Variants in AOAH observed in about 807,000 individuals in gnomAD.
AOAH encodes the protein acyloxyacyl hydrolase (neutrophil).
Under a neutral mutation model 92.2 loss-of-function variants are expected in AOAH, and 64 were observed. The ratio of observed to expected loss-of-function variants is 0.69; its 90% confidence interval spans 0.57 to 0.86. The LOEUF (loss-of-function observed/expected upper bound fraction) is 0.86, where lower values mean the gene tolerates loss of function less well. Among genes scored for constraint, AOAH ranks in the 40% least tolerant of loss-of-function variants. AOAH has a pLI of 0.00. For synonymous variants in AOAH, 263 were observed against 254.5 expected, an observed-to-expected ratio of 1.03 and a Z score of -0.32; for missense variants, 656 against 694.6, an observed-to-expected ratio of 0.94 and a Z score of 0.62.
At chr7:36,709,846 G>T (rs559496642) in intron 1 of AOAH, among the ~76,000 whole-genome samples, 1 of 151,944 alleles carries the variant, frequency 6.6e-6, no homozygotes, top group East Asian at 1.9e-4. Context: ...TATAAAAAAC[G>T]AAAAACCATA....
intron 15 of AOAH, among the ~76,000 whole-genome samples, chr7:36,542,953 A>T (rs1283686729): frequency 6.6e-6 from 1 of 152,200 alleles, no homozygotes; most frequent in Non-Finnish European, 1.5e-5. Flanking sequence ...ATGGCTAAAA[A>T]GTATTAAAGT....
chr7:36,602,814 G>A (rs770585365), intron 11 of AOAH, among the ~76,000 whole-genome samples: 15 of 152,288 alleles, frequency 9.8e-5, no homozygotes, highest in Admixed American at 3.3e-4. Flanking sequence ...AGGGGAAAGT[G>A]GAGAAGACCT....
intron 9 of AOAH, among the ~76,000 whole-genome samples, chr7:36,620,125 T>G (rs961190955): frequency 2.0e-5 from 3 of 152,224 alleles, no homozygotes; most frequent in Non-Finnish European, 4.4e-5. Context: ...ATTTCTGTGA[T>G]TGTTTTAAAA....
intron 15 of AOAH, among the ~76,000 whole-genome samples, chr7:36,547,879 G>A (rs144790731): frequency 9.6e-4 from 146 of 152,228 alleles, no homozygotes; most frequent in African/African-American, 3.0e-3. Context: ...TGAGTTATCC[G>A]CAGTTTCTTT....
At chr7:36,537,976 G>A (rs12112147) in intron 16 of AOAH, among the ~76,000 whole-genome samples, 11,123 of 149,058 alleles carry the variant, frequency 0.075, 499 homozygotes, top group Non-Finnish European at 0.084. Context: ...TCCAAATTGC[G>A]TGGAGTCATG....
intron 16 of AOAH, among the ~76,000 whole-genome samples, chr7:36,532,577 C>T (rs568787532): frequency 6.6e-6 from 1 of 152,282 alleles, no homozygotes; most frequent in Non-Finnish European, 1.5e-5. Context: ...CCATATAGAG[C>T]TGTGGGCATG....
At position 36,714,939 on chromosome 7, in the gene AOAH, A is replaced by G. The variant is rs138528167; in HGVS notation, c.127+9083T>C. Reference sequence around the variant, plus strand: ...GCATAAGACAGGGATGCCCTCTCTCACCACACCTATTCAACATAGTGTTGG... The same window carrying G: ...GCATAAGACAGGGATGCCCTCTCTCGCCACACCTATTCAACATAGTGTTGG... On this transcript the variant is annotated intron_variant, in intron 1 of 20. Coordinates refer to ENST00000617537, the MANE Select transcript of AOAH (RefSeq NM_001637.4). Among the ~76,000 whole-genome samples the G allele has an allele frequency of 2.2e-3, 339 of 152,010 alleles. 3 individuals carry two copies. The highest frequency in any genetic ancestry group is 7.9e-3 in the African/African-American group (329 of 41,572).
intron 1 of AOAH, among the ~76,000 whole-genome samples, chr7:36,695,605 T>G (rs1201941308): frequency 6.6e-6 from 1 of 152,202 alleles, no homozygotes; most frequent in Non-Finnish European, 1.5e-5. Context: ...TCTGAACTAT[T>G]TTACTTTAAA....
intron 4 of AOAH, among the ~76,000 whole-genome samples, chr7:36,644,123 T>C (rs1272069007): frequency 6.6e-6 from 1 of 152,296 alleles, no homozygotes; most frequent in East Asian, 1.9e-4. Flanking sequence ...GTAAACACTG[T>C]AATTAGAAAA....
At chr7:36,697,852 G>A (rs1416322259) in intron 1 of AOAH, among the ~76,000 whole-genome samples, 7 of 152,280 alleles carry the variant, frequency 4.6e-5, no homozygotes, top group Admixed American at 6.5e-5. Context: ...AGAATGCCAC[G>A]TGAAGACAAA....
At chr7:36,546,683 G>A (rs1785822615) in intron 15 of AOAH, among the ~76,000 whole-genome samples, 2 of 152,220 alleles carry the variant, frequency 1.3e-5, no homozygotes, top group Admixed American at 1.3e-4. Context: ...TTCTGCACAT[G>A]TTCTTTATTC....
intron 16 of AOAH, among the ~76,000 whole-genome samples, chr7:36,535,665 T>C (rs1259418211): frequency 6.6e-6 from 1 of 152,178 alleles, no homozygotes; most frequent in African/African-American, 2.4e-5. Context: ...GCCTGTGACT[T>C]GCCCATCCTC....
chr7:36,581,310 C>T (rs959179332), intron 12 of AOAH, among the ~76,000 whole-genome samples: 3 of 152,192 alleles, frequency 2.0e-5, no homozygotes, highest in Non-Finnish European at 2.9e-5. Context: ...TAGCTTCCAA[C>T]GTTTTGTGGC....
chr7:36,715,330 C>T (rs1426507906), intron 1 of AOAH, among the ~76,000 whole-genome samples: 1 of 152,112 alleles, frequency 6.6e-6, no homozygotes, highest in Non-Finnish European at 1.5e-5. Context: ...AAAGAGGATA[C>T]AAACAAATGG....
At chr7:36,522,562 G>C (rs992558126) in intron 19 of AOAH, among the ~76,000 whole-genome samples, 20 of 152,124 alleles carry the variant, frequency 1.3e-4, no homozygotes, top group African/African-American at 4.8e-4. Context: ...AGTATGTCAG[G>C]AATATAATTA....
At chr7:36,605,281 A>G (rs1790916741) in intron 11 of AOAH, among the ~76,000 whole-genome samples, 1 of 86,446 alleles carries the variant, frequency 1.2e-5, no homozygotes, top group Admixed American at 1.0e-4. Context: ...TATGACAATT[A>G]ATTCCAACCA....
intron 6 of AOAH, among the ~76,000 whole-genome samples, chr7:36,627,955 C>G (rs1056653538): frequency 6.6e-6 from 1 of 152,072 alleles, no homozygotes; most frequent in South Asian, 2.1e-4. Context: ...AATGAATCTC[C>G]ATGTGTGCCT....
At position 36,653,112 on chromosome 7, in the gene AOAH, C is replaced by T. The variant is rs148596117; in HGVS notation, c.390+6054G>A. Among the ~76,000 whole-genome samples, 221 of 152,250 alleles carry T rather than the reference C, an allele frequency of 1.5e-3. 1 individual carries two copies. Among genetic ancestry groups the T allele is most frequent in the African/African-American group, 4.8e-3 (200 of 41,546 alleles). On this transcript the variant is annotated intron_variant, in intron 4 of 20. Coordinates refer to ENST00000617537, the MANE Select transcript of AOAH (RefSeq NM_001637.4). ...TAAATCTGAAATTATTACCAAAAAA[C>T]GTTTATTTGAAATAACAGAGTTTGG...
At chr7:36,695,083 ACTGT>A (rs71930849) in intron 1 of AOAH, among the ~76,000 whole-genome samples, 2,617 of 152,286 alleles carry the variant, frequency 0.017, 84 homozygotes, top group African/African-American at 0.06. Context: ...TGTTTCATTG[ACTGT>A]CTATTTAACT....
Sources: gnomAD v4.1 joint callset for allele counts (sites outside exome capture counted in the v4.1 genomes callset) on GRCh38, gnomAD v4.1.1 for gene constraint, MANE v1.5 for transcripts, NCBI Gene and HGNC (gene_info 2026-07-23, HGNC 2026-07-21) for gene names.